Variants in NAALADL2 observed in about 807,000 individuals in gnomAD.
NAALADL2 encodes the protein inactive N-acetylated-alpha-linked acidic dipeptidase-like protein 2.
A neutral mutation model predicts 87.2 loss-of-function variants in NAALADL2; 76 were observed. That is an observed-to-expected ratio of 0.87 (90% CI 0.72 to 1.05). The LOEUF (loss-of-function observed/expected upper bound fraction) is 1.05. NAALADL2 is among the 50% of genes least tolerant of loss of function. The probability of loss-of-function intolerance (pLI) is 0.00; values close to 1 mark genes in which losing one functional copy is unlikely to be tolerated. For synonymous variants in NAALADL2, 354 were observed against 331.0 expected (o/e 1.07, Z -0.75); for missense variants, 1,089 against 945.8 (o/e 1.15, Z -1.99).
intron 2 of NAALADL2, among the ~76,000 whole-genome samples, chr3:175,107,971 A>T (rs557211252): frequency 1.3e-5 from 2 of 151,824 alleles, no homozygotes; most frequent in Non-Finnish European, 2.9e-5. Context: ...AAAAAATGGT[A>T]TTGAAGTTCT....
chr3:174,744,152 A>T (rs1734026624), intron 3 of NAALADL2, among the ~76,000 whole-genome samples: 1 of 151,926 alleles, frequency 6.6e-6, no homozygotes, highest in South Asian at 2.1e-4. Flanking sequence ...ATGTTACATG[A>T]TAAAGAGAGA....
chr3:175,799,149 A>G (rs548701647), intron 13 of NAALADL2, among the ~76,000 whole-genome samples: 2 of 152,154 alleles, frequency 1.3e-5, no homozygotes, highest in East Asian at 3.9e-4. Flanking sequence ...TATCGATTGT[A>G]CTCTCTCTTA....
chr3:174,962,433 G>GTTATAGTGACTATGACATATA (rs1742245895), intron 1 of NAALADL2, among the ~76,000 whole-genome samples: 1 of 52,242 alleles, frequency 1.9e-5, no homozygotes, highest in Non-Finnish European at 5.0e-5. Context: ...ATATATATAT[G>GTTATAGTGACTATGACATATA]TATATTTTTA....
chr3:175,471,344 A>C (rs2149291560), intron 8 of NAALADL2, among the ~76,000 whole-genome samples: 1 of 151,552 alleles, frequency 6.6e-6, no homozygotes, highest in Middle Eastern at 3.4e-3. Context: ...AATTAGCTGG[A>C]GGGGTGGCCA....
chr3:174,875,770 A>G (rs1728427886), intron 1 of NAALADL2, among the ~76,000 whole-genome samples: 2 of 151,360 alleles, frequency 1.3e-5, no homozygotes, highest in Non-Finnish European at 3.0e-5. Context: ...TAAGCATTTA[A>G]AAGCAGTCTT....
chr3:175,013,301 A>ATATATATTTTTTTTT (rs1553916905), intron 1 of NAALADL2, among the ~76,000 whole-genome samples: 9 of 72,062 alleles, frequency 1.2e-4, no homozygotes, highest in Admixed American at 2.6e-4. Flanking sequence ...ATATATATAT[A>ATATATATTTTTTTTT]TTTTTTTTTT....
chr3:175,186,518 A>G (rs1442274153), intron 2 of NAALADL2, among the ~76,000 whole-genome samples: 1 of 152,176 alleles, frequency 6.6e-6, no homozygotes, highest in Non-Finnish European at 1.5e-5. Flanking sequence ...AGGATTAGAA[A>G]GTAGCGACTA....
chr3:175,763,919 C>T (rs1283771453), intron 13 of NAALADL2, among the ~76,000 whole-genome samples: 1 of 151,872 alleles, frequency 6.6e-6, no homozygotes, highest in African/African-American at 2.4e-5. Context: ...TTTGGTGTGG[C>T]TTTGGAAAAG....
intron 3 of NAALADL2, among the ~76,000 whole-genome samples, chr3:174,799,483 T>G (rs1269413276): frequency 6.6e-6 from 1 of 152,168 alleles, no homozygotes; most frequent in East Asian, 1.9e-4. Context: ...TCTGTTTGCC[T>G]GCTGCCATCC....
chr3:175,620,727 G>A (rs1364334470), intron 10 of NAALADL2, among the ~76,000 whole-genome samples: 7 of 152,182 alleles, frequency 4.6e-5, no homozygotes, highest in Non-Finnish European at 8.8e-5. Flanking sequence ...ACGGGTACAT[G>A]TTGCCGCTCT....
chr3:175,282,277 C>T (rs1004729003), intron 4 of NAALADL2, among the ~76,000 whole-genome samples: 2 of 152,016 alleles, frequency 1.3e-5, no homozygotes, highest in African/African-American at 4.8e-5. Context: ...AGTGGGGTTA[C>T]TAGACAATTA....
intron 5 of NAALADL2, among the ~76,000 whole-genome samples, chr3:175,416,316 T>C (rs1714627638): frequency 6.6e-6 from 1 of 152,176 alleles, no homozygotes; most frequent in Non-Finnish European, 1.5e-5. Context: ...AATTATAAAA[T>C]AGTACAGAGT....
At chr3:174,941,493 C>T (rs939238270) in intron 1 of NAALADL2, among the ~76,000 whole-genome samples, 22 of 151,862 alleles carry the variant, frequency 1.4e-4, no homozygotes, top group African/African-American at 4.8e-4. Context: ...GTGGAGAGTC[C>T]GGTAGAGGTC....
At chr3:175,384,680 A>G (rs1248090348) in intron 5 of NAALADL2, among the ~76,000 whole-genome samples, 2 of 151,866 alleles carry the variant, frequency 1.3e-5, no homozygotes, top group Admixed American at 1.3e-4. Context: ...ATATTGCATT[A>G]TTACCAATTT....
chr3:174,802,613 C>T (rs1474528825), intron 3 of NAALADL2, among the ~76,000 whole-genome samples: 1 of 152,108 alleles, frequency 6.6e-6, no homozygotes, highest in Non-Finnish European at 1.5e-5. Context: ...AGTATTTCTC[C>T]TTATGCTATC....
intron 1 of NAALADL2, among the ~76,000 whole-genome samples, chr3:175,020,566 T>A (rs1269821585): frequency 6.6e-6 from 1 of 152,106 alleles, no homozygotes; most frequent in Non-Finnish European, 1.5e-5. Flanking sequence ...CTGGTACAAC[T>A]GGCATCATCA....
rs75467575 is a variant in NAALADL2 at position 174,704,328 on chromosome 3, T to G, written c.-114-33313T>G. On this transcript the variant is annotated intron_variant, in intron 2 of 3. Transcript: ENST00000434257. ...AAAAGATTATCATCAGACAGTATTC[T>G]ATGGTATATCAGTATGACAAGGGGT... 3.2e-3 allele frequency among the ~76,000 whole-genome samples: 481 copies of G among 152,322 alleles called. 2 individuals carry two copies. The highest frequency in any genetic ancestry group is 0.011 in the African/African-American group (459 of 41,578).
intron 2 of NAALADL2, among the ~76,000 whole-genome samples, chr3:175,170,406 G>C (rs1222415762): frequency 6.8e-6 from 1 of 146,590 alleles, no homozygotes; most frequent in Non-Finnish European, 1.5e-5. Flanking sequence ...GAGCAATAGG[G>C]TATGCCATTT....
At chr3:175,079,353 CTG>C (rs1279321830) in intron 1 of NAALADL2, 2 of 152,118 alleles carry the variant, frequency 1.3e-5, no homozygotes, top group South Asian at 2.1e-4. Flanking sequence ...TGTTTTGAAA[CTG>C]TGTTCTCCCA....
Sources: allele counts gnomAD v4.1 joint callset (sites outside exome capture counted in the v4.1 genomes callset), GRCh38; gene constraint gnomAD v4.1.1; transcripts MANE v1.5; gene names NCBI Gene and HGNC (gene_info 2026-07-23, HGNC 2026-07-21).